Variants in FAT1 observed in about 807,000 individuals in gnomAD.
FAT1 encodes the protein protocadherin Fat 1.
A neutral mutation model predicts 329.8 loss-of-function variants in FAT1; 171 were observed. That is an observed-to-expected ratio of 0.52 (90% CI 0.46 to 0.59). The LOEUF (loss-of-function observed/expected upper bound fraction) is 0.59, where lower values mean the gene tolerates loss of function less well. Ranked by LOEUF, FAT1 falls within the 20% of genes least tolerant of loss-of-function variation. The probability of loss-of-function intolerance (pLI) is 0.00; values close to 1 mark genes in which losing one functional copy is unlikely to be tolerated. For missense variants in FAT1, 5,672 were observed against 5,774.4 expected (o/e 0.98, Z 0.57); for synonymous variants, 2,233 against 2,228.6 (o/e 1.00, Z -0.06).
Position 186,708,471 on chromosome 4 carries a change from C to CT in FAT1, c.1356dup (p.Val453SerfsTer6). Reference sequence around the variant, plus strand: ...GGGGGATTGCTATTTGCACCTAAGACTTTCACCAAGACCTTGGTGGACGCT... The same window carrying CT: ...GGGGGATTGCTATTTGCACCTAAGACTTTTCACCAAGACCTTGGTGGACGCT... On this transcript the variant is annotated frameshift_variant, in exon 2 of 27. Coordinates refer to ENST00000441802, the MANE Select transcript of FAT1 (RefSeq NM_005245.4). LOFTEE classifies it high-confidence loss of function. 1 of 1,614,010 alleles carries CT rather than the reference C, an allele frequency of 6.2e-7. No homozygotes were observed. Among genetic ancestry groups the CT allele is most frequent in the Non-Finnish European group, 8.5e-7 (1 of 1,179,888 alleles).
intron 3 of FAT1, among the ~76,000 whole-genome samples, chr4:186,640,977 A>G (rs1741064855): frequency 6.6e-6 from 1 of 152,298 alleles, no homozygotes; most frequent in African/African-American, 2.4e-5. Flanking sequence ...TTTTTCTCAT[A>G]TGGAAATACC....
chr4:186,663,022 G>A (rs1224877605), intron 3 of FAT1, among the ~76,000 whole-genome samples: 1 of 152,094 alleles, frequency 6.6e-6, no homozygotes, highest in Non-Finnish European at 1.5e-5. Flanking sequence ...ACTTTTACTA[G>A]AGATGGGGTT....
chr4:186,697,231 A>G (rs755038048), intron 2 of FAT1, among the ~76,000 whole-genome samples: 2 of 152,186 alleles, frequency 1.3e-5, no homozygotes, highest in African/African-American at 2.4e-5. Flanking sequence ...CGAGGTATCA[A>G]TGACCCTTGG....
chr4:186,694,304 G>A (rs1292247301), intron 2 of FAT1, among the ~76,000 whole-genome samples: 1 of 152,194 alleles, frequency 6.6e-6, no homozygotes, highest in Non-Finnish European at 1.5e-5. Flanking sequence ...CAAATACACA[G>A]TGAACAACTT....
At chr4:186,658,506 CTTTTA>C (rs1742021455) in intron 3 of FAT1, among the ~76,000 whole-genome samples, 1 of 152,164 alleles carries the variant, frequency 6.6e-6, no homozygotes, top group African/African-American at 2.4e-5. Context: ...TCCAAAAAGA[CTTTTA>C]TTTAAGTTTA....
chr4:186,662,154 A>ACTT (rs1560974882), intron 3 of FAT1, among the ~76,000 whole-genome samples: 2 of 152,052 alleles, frequency 1.3e-5, no homozygotes, highest in Non-Finnish European at 2.9e-5. Context: ...CAAGGCTTTT[A>ACTT]CTTCTAGATT....
At chr4:186,656,968 A>G (rs1176028124) in intron 3 of FAT1, among the ~76,000 whole-genome samples, 2 of 152,182 alleles carry the variant, frequency 1.3e-5, no homozygotes, top group African/African-American at 2.4e-5. Context: ...ATGCTTTAAC[A>G]TAAAACCACC....
chr4:186,685,586 T>C (rs1743420709), intron 2 of FAT1, among the ~76,000 whole-genome samples: 1 of 152,172 alleles, frequency 6.6e-6, no homozygotes, highest in Non-Finnish European at 1.5e-5. Context: ...ATCTCAGAGG[T>C]TCCTTTAACT....
At chr4:186,656,078 T>A (rs1024167166) in intron 3 of FAT1, among the ~76,000 whole-genome samples, 7 of 152,042 alleles carry the variant, frequency 4.6e-5, no homozygotes, top group Admixed American at 4.6e-4. Context: ...GGTCTGGAGG[T>A]GGAAGGAACC....
At chr4:186,652,134 A>G (rs1258789831) in intron 3 of FAT1, among the ~76,000 whole-genome samples, 1 of 152,178 alleles carries the variant, frequency 6.6e-6, no homozygotes, top group African/African-American at 2.4e-5. Flanking sequence ...TCTGCTTTCA[A>G]TTCTACCTTA....
chr4:186,643,370 A>AT (rs1370010366), intron 3 of FAT1, among the ~76,000 whole-genome samples: 1 of 152,186 alleles, frequency 6.6e-6, no homozygotes, highest in Non-Finnish European at 1.5e-5. Context: ...AAACAAACAA[A>AT]TAACAACAAC....
rs1560962394 is a variant in FAT1, at chr4:186,645,397, A to C, written c.3581-5614T>G. ...TATATATATATATATATATATATATATATATATATATATATATATATATAT... is the reference window on the plus strand; with the variant it reads ...TATATATATATATATATATATATATCTATATATATATATATATATATATAT... On this transcript the variant is annotated intron_variant, in intron 3 of 26. Transcript: ENST00000441802. 4.8e-4 allele frequency among the ~76,000 whole-genome samples: 51 copies of C among 106,982 alleles called. 2 individuals carry two copies. In the East Asian group the frequency reaches 5.8e-3, roughly 12 times the overall value. 70.2% of individuals were successfully genotyped at this position (106,982 alleles called of 152,430 possible).
chr4:186,720,585 C>T (rs1485566997), intron 1 of FAT1, among the ~76,000 whole-genome samples: 2 of 152,184 alleles, frequency 1.3e-5, no homozygotes, highest in African/African-American at 4.8e-5. Flanking sequence ...CCCCAGATCC[C>T]CCAGCTCACT....
At position 186,619,702 on chromosome 4, in the gene FAT1, G is replaced by A. The variant is rs2126508288; in HGVS notation, c.6884C>T (p.Ala2295Val). The change falls in exon 10 of 27, where the codon GCA becomes GTA. Residue 2295 changes from alanine (A) to valine (V), a missense_variant. Around this residue, in one of 2 missense-constraint regions of FAT1, gnomAD observed 3,966 missense variants for 3,915.2 expected, o/e 1.01. Transcript: ENST00000441802. ...QQSYAVTLSE[A>V]SVIGTSVVQV... ...AACAACAGACGTTCCAATTACAGAT[G>A]CCTCAGACAGGGTCACCGCATAAGA... 2 of 1,613,990 alleles carry A rather than the reference G, an allele frequency of 1.2e-6. No homozygotes were observed. Among genetic ancestry groups the A allele is most frequent in the Non-Finnish European group, 1.7e-6 (2 of 1,179,896 alleles).
intron 2 of FAT1, among the ~76,000 whole-genome samples, chr4:186,668,449 T>C (rs162182): frequency 0.17 from 26,191 of 152,140 alleles, 2,646 homozygotes; most frequent in African/African-American, 0.26. Context: ...ACTCCCTTGT[T>C]CTTAAAGAAC....
intron 2 of FAT1, among the ~76,000 whole-genome samples, chr4:186,694,550 T>G (rs1743939495): frequency 6.6e-6 from 1 of 152,240 alleles, no homozygotes; most frequent in Non-Finnish European, 1.5e-5. Context: ...TACATATTAT[T>G]TTTCTTAAAA....
rs2126394034 is a variant in FAT1, at chr4:186,597,046, G to C, written c.12494C>G (p.Ala4165Gly). ...CGTGGACACATACTGGTTGGGCGCA[G>C]CATCCTCGCAGTGACGTCCCCTGTA... ...HEYRGRHCED[A>G]APNQYVSTPW... The change falls in exon 25 of 27, where the codon GCT (alanine) becomes GGT (glycine). Residue 4165 changes from alanine (A) to glycine (G), a missense_variant. Around this residue, in one of 2 missense-constraint regions of FAT1, gnomAD observed 1,706 missense variants for 1,859.1 expected, o/e 0.92. Transcript: ENST00000441802. 1 of 1,614,018 alleles carries C rather than the reference G, an allele frequency of 6.2e-7. No individual in the cohort carries two copies. The highest frequency in any genetic ancestry group is 8.5e-7 in the Non-Finnish European group (1 of 1,179,896).
In FAT1 at chr4:186,620,639, C is replaced by T. The variant is rs761317355; in HGVS notation, c.5947G>A (p.Val1983Ile). The change falls in exon 10 of 27, where the codon GTC becomes ATC. Residue 1983 changes from valine (V) to isoleucine (I), a missense_variant. Transcript: ENST00000441802. ...KESHLKFTQD[V>I]YSAVVKENST... ...TTCTCTTTCACTACCGCAGAGTAGA[C>T]ATCCTGGGTAAACTTTAGGTGACTT... The T allele has an allele frequency of 2.5e-6, 4 of 1,614,002 alleles. No homozygotes were observed. Among genetic ancestry groups the T allele is most frequent in the Middle Eastern group, 3.3e-4 (2 of 6,062 alleles).
At chr4:186,689,491 C>T (rs1273024976) in intron 2 of FAT1, among the ~76,000 whole-genome samples, 1 of 152,090 alleles carries the variant, frequency 6.6e-6, no homozygotes, top group African/African-American at 2.4e-5. Flanking sequence ...GCTGTTTTTC[C>T]ACACTCATTA....
Sources: gnomAD v4.1 joint callset for allele counts (sites outside exome capture counted in the v4.1 genomes callset) on GRCh38, gnomAD v4.1.1 for gene constraint, gnomAD v4.1.1 regional missense constraint, MANE v1.5 for transcripts, NCBI Gene and HGNC (gene_info 2026-07-23, HGNC 2026-07-21) for gene names.